NKAIN3: variants seen among roughly 807,000 people sequenced by gnomAD.
NKAIN3 encodes sodium/potassium transporting ATPase interacting 3.
Under a neutral mutation model 30.2 loss-of-function variants are expected in NKAIN3, and 25 were observed. The ratio of observed to expected loss-of-function variants is 0.83; its 90% CI spans 0.60 to 1.16. The LOEUF (loss-of-function observed/expected upper bound fraction) is 1.16. NKAIN3 is among the 50% of genes most tolerant of loss of function. The probability of loss-of-function intolerance (pLI) is 0.00; values close to 1 mark genes in which losing one functional copy is unlikely to be tolerated. For missense variants in NKAIN3, 225 were observed against 254.1 expected, an observed-to-expected ratio of 0.89 and a Z score of 0.78; for synonymous variants, 91 against 89.6, an observed-to-expected ratio of 1.02 and a Z score of -0.09.
At chr8:62,790,497 GT>G (rs773395435) in intron 4 of NKAIN3, among the ~76,000 whole-genome samples, 3 of 152,024 alleles carry the variant, frequency 2.0e-5, no homozygotes, top group Non-Finnish European at 4.4e-5. Context: ...TTTTCTTGCT[GT>G]CTTGGTGTGA....
At chr8:62,350,611 G>A (rs1175139537) in intron 1 of NKAIN3, among the ~76,000 whole-genome samples, 3 of 152,090 alleles carry the variant, frequency 2.0e-5, no homozygotes, top group African/African-American at 7.2e-5. Flanking sequence ...TGGTTAAAGT[G>A]TTAAATTTTA....
intron 4 of NKAIN3, among the ~76,000 whole-genome samples, chr8:62,748,922 G>C (rs1340533571): frequency 6.6e-6 from 1 of 151,840 alleles, no homozygotes; most frequent in African/African-American, 2.4e-5. Context: ...TGTTAATGTA[G>C]CCATTACATA....
chr8:62,254,060 G>C (rs941499139), intron 1 of NKAIN3, among the ~76,000 whole-genome samples: 2 of 152,012 alleles, frequency 1.3e-5, no homozygotes, highest in Non-Finnish European at 2.9e-5. Flanking sequence ...TGAGACTTGA[G>C]TTATACTGTG....
chr8:62,645,616 C>A (rs1326730778), intron 3 of NKAIN3, among the ~76,000 whole-genome samples: 1 of 150,140 alleles, frequency 6.7e-6, no homozygotes, highest in Non-Finnish European at 1.5e-5. Context: ...TTAAATTAAT[C>A]AAGTGTATAT....
At chr8:62,815,152 C>G (rs1234660215) in intron 4 of NKAIN3, among the ~76,000 whole-genome samples, 1 of 152,040 alleles carries the variant, frequency 6.6e-6, no homozygotes, top group Non-Finnish European at 1.5e-5. Context: ...CACATACACC[C>G]TCCCAAGACT....
At chr8:62,806,018 A>C (rs1365384427) in intron 4 of NKAIN3, among the ~76,000 whole-genome samples, 3 of 152,232 alleles carry the variant, frequency 2.0e-5, no homozygotes, top group Non-Finnish European at 4.4e-5. Flanking sequence ...TTCTAAAAAG[A>C]AGTCGTTTAT....
At chr8:62,254,132 T>C (rs1489676142) in intron 1 of NKAIN3, among the ~76,000 whole-genome samples, 1 of 150,140 alleles carries the variant, frequency 6.7e-6, no homozygotes, top group Non-Finnish European at 1.5e-5. Flanking sequence ...AGTAACAAAA[T>C]GAATTGTTGT....
chr8:62,676,083 TA>T (rs1813466755), intron 3 of NKAIN3, among the ~76,000 whole-genome samples: 1 of 152,202 alleles, frequency 6.6e-6, no homozygotes, highest in South Asian at 2.1e-4. Context: ...GCAGGAAGGA[TA>T]TTTCATTTAA....
intron 1 of NKAIN3, among the ~76,000 whole-genome samples, chr8:62,320,272 C>T (rs1814827301): frequency 6.6e-6 from 1 of 151,996 alleles, no homozygotes. Flanking sequence ...CTGATGGGGC[C>T]TGACTCTTTA....
intron 5 of NKAIN3, chr8:62,990,368 G>C: frequency 8.0e-7 from 1 of 1,250,916 alleles, no homozygotes. Flanking sequence ...TTCTAGTGCA[G>C]TCTAATATAT....
At chr8:62,324,930 G>A (rs1014361871) in intron 1 of NKAIN3, among the ~76,000 whole-genome samples, 1 of 152,126 alleles carries the variant, frequency 6.6e-6, no homozygotes, top group African/African-American at 2.4e-5. Flanking sequence ...GCAATATAAA[G>A]AGAATGTCAT....
chr8:62,521,583 G>A (rs1356341847), intron 1 of NKAIN3, among the ~76,000 whole-genome samples: 2 of 152,108 alleles, frequency 1.3e-5, no homozygotes, highest in African/African-American at 4.8e-5. Context: ...TGTAGAGGGT[G>A]GGCCCATGGC....
At chr8:62,278,339 A>C (rs763223417) in intron 1 of NKAIN3, among the ~76,000 whole-genome samples, 29 of 152,010 alleles carry the variant, frequency 1.9e-4, no homozygotes, top group Non-Finnish European at 2.8e-4. Flanking sequence ...CACTGTACAA[A>C]GCATAAAACC....
chr8:62,642,843 TA>T (rs140884723), intron 3 of NKAIN3, among the ~76,000 whole-genome samples: 3,088 of 152,198 alleles, frequency 0.02, 90 homozygotes, highest in African/African-American at 0.069. Context: ...GTTTATATGC[TA>T]ACATATTGTA....
chr8:62,834,678 A>G (rs757169993), intron 4 of NKAIN3, among the ~76,000 whole-genome samples: 1 of 152,168 alleles, frequency 6.6e-6, no homozygotes, highest in Admixed American at 6.6e-5. Flanking sequence ...GAAAGAAAAC[A>G]TAAGTGACAC....
chr8:62,645,461 G>A (rs1812432863), intron 3 of NKAIN3, among the ~76,000 whole-genome samples: 1 of 152,118 alleles, frequency 6.6e-6, no homozygotes, highest in African/African-American at 2.4e-5. Context: ...ACTCAGTTTT[G>A]CTGAGGCTTA....
At chr8:62,616,517 C>A (rs1675346305) in intron 3 of NKAIN3, among the ~76,000 whole-genome samples, 1 of 152,166 alleles carries the variant, frequency 6.6e-6, no homozygotes, top group African/African-American at 2.4e-5. Flanking sequence ...GCCCTCTTGC[C>A]AGTGTACCAC....
At chr8:62,758,762 C>T (rs1162630021) in intron 4 of NKAIN3, among the ~76,000 whole-genome samples, 1 of 152,134 alleles carries the variant, frequency 6.6e-6, no homozygotes, top group African/African-American at 2.4e-5. Flanking sequence ...ACCTAGTTAC[C>T]TACTTGAGAT....
At chr8:62,331,237 A>G (rs1815347410) in intron 1 of NKAIN3, among the ~76,000 whole-genome samples, 1 of 148,182 alleles carries the variant, frequency 6.7e-6, no homozygotes, top group Non-Finnish European at 1.5e-5. Context: ...TTTTCTCTAT[A>G]TGGATCTTCA....
Sources: gnomAD v4.1 joint callset for allele counts (sites outside exome capture counted in the v4.1 genomes callset) on GRCh38, gnomAD v4.1.1 for gene constraint, MANE v1.5 for transcripts, NCBI Gene and HGNC (gene_info 2026-07-23, HGNC 2026-07-21) for gene names.